BZW2: variants seen among roughly 807,000 people sequenced by gnomAD.
BZW2 encodes the protein eIF5-mimic protein 1.
Under a neutral mutation model 53.2 loss-of-function variants are expected in BZW2, and 23 were observed. That is an observed-to-expected ratio of 0.43 (90% CI 0.31 to 0.61). The LOEUF (loss-of-function observed/expected upper bound fraction) is 0.61. Among genes scored for constraint, BZW2 ranks in the 20% least tolerant of loss-of-function variants. The probability of loss-of-function intolerance (pLI) is 0.09; values close to 1 mark genes in which losing one functional copy is unlikely to be tolerated. For missense variants in BZW2, 409 were observed against 503.1 expected (o/e 0.81, Z 1.79); for synonymous variants, 227 against 186.4 (o/e 1.22, Z -1.77).
intron 1 of BZW2, among the ~76,000 whole-genome samples, chr7:16,661,481 G>A (rs114066258): frequency 0.012 from 1,852 of 152,212 alleles, 45 homozygotes; most frequent in African/African-American, 0.042. Flanking sequence ...TGAAAAAGAT[G>A]CTAGGACAGT....
At chr7:16,660,855 T>TG (rs1169324938) in intron 1 of BZW2, among the ~76,000 whole-genome samples, 2 of 152,106 alleles carry the variant, frequency 1.3e-5, no homozygotes, top group African/African-American at 4.8e-5. Flanking sequence ...AAGGACCTCC[T>TG]GGGGGTCCAA....
chr7:16,658,137 G>T (rs138663141), intron 1 of BZW2, among the ~76,000 whole-genome samples: 1 of 152,218 alleles, frequency 6.6e-6, no homozygotes, highest in African/African-American at 2.4e-5. Context: ...AACCCATCTG[G>T]GGAAAGTGCA....
At chr7:16,657,928 A>G (rs1257342156) in intron 1 of BZW2, among the ~76,000 whole-genome samples, 1 of 152,206 alleles carries the variant, frequency 6.6e-6, no homozygotes, top group Non-Finnish European at 1.5e-5. Flanking sequence ...GTTTTAGGGC[A>G]TTTTGTTAAA....
At chr7:16,687,869 C>T (rs563693913) in intron 6 of BZW2, among the ~76,000 whole-genome samples, 7 of 152,110 alleles carry the variant, frequency 4.6e-5, no homozygotes, top group South Asian at 2.1e-4. Context: ...TAGTTTCAAG[C>T]GTAGTTTTTC....
chr7:16,706,346 G>A lies in BZW2; in HGVS notation c.*258G>A. On this transcript the variant is annotated 3_prime_UTR_variant, in exon 12 of 12. Coordinates refer to ENST00000258761, the MANE Select transcript of BZW2 (RefSeq NM_014038.3). ...TTAAAGCCATTCAACAAGGAGTCAA[G>A]TAGATCTGAAATTAAATACTCAACA... The A allele has an allele frequency of 4.9e-6, 2 of 411,792 alleles. No individual in the cohort carries two copies. The highest frequency in any genetic ancestry group is 8.9e-5 in the South Asian group (2 of 22,388). The allele number at this position is 411,792 out of a possible 1,614,324, so 25.5% of individuals were successfully genotyped here. A position where few individuals can be genotyped will look rare whatever the true frequency, so the allele number is the denominator to read the frequency against.
intron 1 of BZW2, among the ~76,000 whole-genome samples, chr7:16,661,583 T>C (rs1782262360): frequency 6.6e-6 from 1 of 152,294 alleles, no homozygotes; most frequent in Non-Finnish European, 1.5e-5. Flanking sequence ...TAGGAATTTA[T>C]GCAAAAGTGT....
chr7:16,672,952 C>G (rs1036005367), intron 2 of BZW2, among the ~76,000 whole-genome samples: 1 of 146,626 alleles, frequency 6.8e-6, no homozygotes, highest in African/African-American at 2.5e-5. Context: ...TATCCACTTT[C>G]TTTTTTTTTT....
intron 2 of BZW2, among the ~76,000 whole-genome samples, chr7:16,671,169 C>G (rs1782585423): frequency 6.6e-6 from 1 of 152,178 alleles, no homozygotes; most frequent in Non-Finnish European, 1.5e-5. Context: ...TGATTCAGCT[C>G]TCTTTCATTG....
chr7:16,696,268 T>C (rs572826847), intron 8 of BZW2, among the ~76,000 whole-genome samples: 2 of 152,374 alleles, frequency 1.3e-5, no homozygotes, highest in East Asian at 3.9e-4. Context: ...TTCAAATAAA[T>C]TTTAGGCAAG....
At chr7:16,651,992 T>C (rs973235854) in intron 1 of BZW2, among the ~76,000 whole-genome samples, 4 of 152,326 alleles carry the variant, frequency 2.6e-5, no homozygotes, top group East Asian at 1.9e-4. Flanking sequence ...ACAGCTTTAG[T>C]TGGCTCCTTG....
intron 2 of BZW2, among the ~76,000 whole-genome samples, chr7:16,666,632 A>T (rs1782436312): frequency 6.6e-6 from 1 of 152,018 alleles, no homozygotes; most frequent in African/African-American, 2.4e-5. Context: ...CGATCTCCTG[A>T]CCTTGTGATC....
At chr7:16,692,423 G>C (rs1783337700) in intron 7 of BZW2, among the ~76,000 whole-genome samples, 1 of 152,028 alleles carries the variant, frequency 6.6e-6, no homozygotes, top group Admixed American at 6.6e-5. Flanking sequence ...TCAGGAGAGT[G>C]GGCCATAAAC....
intron 8 of BZW2, 97 bp from the exon 9 acceptor site, chr7:16,696,818 T>G: frequency 7.8e-7 from 1 of 1,276,450 alleles, no homozygotes; most frequent in Non-Finnish European, 1.1e-6. Context: ...GATTGTTTCT[T>G]AGCTGCCCCA....
intron 2 of BZW2, among the ~76,000 whole-genome samples, chr7:16,666,718 G>A (rs546356590): frequency 1.3e-5 from 2 of 152,164 alleles, no homozygotes; most frequent in East Asian, 3.9e-4. Flanking sequence ...CACCTAGGCT[G>A]GAATACAGTG....
At chr7:16,683,601 A>C (rs1783021964) in intron 5 of BZW2, among the ~76,000 whole-genome samples, 1 of 152,234 alleles carries the variant, frequency 6.6e-6, no homozygotes, top group Admixed American at 6.5e-5. Context: ...TATAGGTGTA[A>C]TTCTCAATAC....
At chr7:16,669,720 G>A (rs959686412) in intron 2 of BZW2, among the ~76,000 whole-genome samples, 6 of 152,196 alleles carry the variant, frequency 3.9e-5, no homozygotes, top group Non-Finnish European at 7.4e-5. Flanking sequence ...TAATGTATAC[G>A]CATATTTGAG....
intron 2 of BZW2, 90 bp from the exon 3 acceptor site, chr7:16,674,322 T>G: frequency 9.7e-7 from 1 of 1,030,840 alleles, no homozygotes; most frequent in Non-Finnish European, 1.3e-6. Flanking sequence ...TTTTTTCCTA[T>G]CTTAGATAAA....
At chr7:16,665,040 C>T (rs1381842041) in intron 1 of BZW2, among the ~76,000 whole-genome samples, 3 of 152,098 alleles carry the variant, frequency 2.0e-5, no homozygotes, top group African/African-American at 4.8e-5. Context: ...TGCCGGGCGC[C>T]GTGGCTCACG....
chr7:16,699,594 C>A (rs972376168), intron 10 of BZW2, among the ~76,000 whole-genome samples: 1 of 152,164 alleles, frequency 6.6e-6, no homozygotes, highest in African/African-American at 2.4e-5. Flanking sequence ...AAAGATAACC[C>A]AACCAGTGTT....
Sources: allele counts gnomAD v4.1 joint callset (sites outside exome capture counted in the v4.1 genomes callset), GRCh38; gene constraint gnomAD v4.1.1; transcripts MANE v1.5; gene names NCBI Gene and HGNC (gene_info 2026-07-23, HGNC 2026-07-21).